Variants in ADK observed in about 807,000 individuals in gnomAD.
ADK encodes the protein N6,N6-dimethyladenosine kinase.
A neutral mutation model predicts 44.7 loss-of-function variants in ADK; 24 were observed. The ratio of observed to expected loss-of-function variants is 0.54; its 90% CI spans 0.39 to 0.76. The LOEUF (loss-of-function observed/expected upper bound fraction) is 0.76. ADK is among the 30% of genes least tolerant of loss of function. The probability of loss-of-function intolerance (pLI) is 0.00; values close to 1 mark genes in which losing one functional copy is unlikely to be tolerated. For missense variants in ADK, 321 were observed against 425.1 expected (o/e 0.76, Z 2.15); for synonymous variants, 128 against 142.6 (o/e 0.90, Z 0.73).
chr10:74,507,160 A>AT (rs1848111856), intron 6 of ADK, among the ~76,000 whole-genome samples: 1 of 152,228 alleles, frequency 6.6e-6, no homozygotes, highest in South Asian at 2.1e-4. Flanking sequence ...TTAGCATACC[A>AT]TGAAAAAATG....
chr10:74,257,065 T>C (rs1845851166), intron 3 of ADK, among the ~76,000 whole-genome samples: 1 of 152,174 alleles, frequency 6.6e-6, no homozygotes, highest in Non-Finnish European at 1.5e-5. Context: ...AAGTGTGATA[T>C]TAAATCCATT....
chr10:74,561,251 T>C lies in ADK; in HGVS notation c.727-28031T>C, dbSNP rs74394819. ...TTATTTTCTTGCTTATTCCACCAGTTACTCCTTCTTGTTAAAGCTTTCACC... is the reference window on the plus strand; with the variant it reads ...TTATTTTCTTGCTTATTCCACCAGTCACTCCTTCTTGTTAAAGCTTTCACC... On this transcript the variant is annotated intron_variant, in intron 7 of 10. Transcript: ENST00000539909. 2.6e-3 allele frequency among the ~76,000 whole-genome samples: 402 copies of C among 152,358 alleles called. 3 individuals carry two copies. The highest frequency in any genetic ancestry group is 9.2e-3 in the African/African-American group (383 of 41,592).
chr10:74,700,906 A>G (rs979876306), intron 10 of ADK, among the ~76,000 whole-genome samples: 3 of 152,224 alleles, frequency 2.0e-5, no homozygotes, highest in Admixed American at 6.5e-5. Context: ...ACTGAAAAAC[A>G]TGAACCCAAC....
In ADK at chr10:74,631,504, C is replaced by T. The variant is rs1329644405; in HGVS notation, c.877+31011C>T. Among the ~76,000 whole-genome samples, 6 of 151,674 alleles carry T rather than the reference C, an allele frequency of 4.0e-5. No homozygotes were observed. The East Asian group carries it at 5.8e-4, about 15-fold the overall frequency. ...AACTCCTGACCTCAGGTGATCCACC[C>T]GCCTCAGCCTCCTAAAGTGCTGGGA... On this transcript the variant is annotated intron_variant, in intron 9 of 10. Transcript: ENST00000539909.
At chr10:74,601,824 G>T (rs1852132335) in intron 9 of ADK, among the ~76,000 whole-genome samples, 1 of 151,438 alleles carries the variant, frequency 6.6e-6, no homozygotes, top group South Asian at 2.1e-4. Context: ...TGGGCACAGT[G>T]GCTCACACCT....
At chr10:74,240,372 T>TTGTGTGTGTG (rs142465407) in intron 3 of ADK, among the ~76,000 whole-genome samples, 15,103 of 147,072 alleles carry the variant, frequency 0.1, 900 homozygotes, top group African/African-American at 0.15. Flanking sequence ...TCCTTTTATT[T>TTGTGTGTGTG]TGTGTGTGTG....
chr10:74,598,557 C>A (rs900311081), intron 8 of ADK, among the ~76,000 whole-genome samples: 1 of 143,388 alleles, frequency 7.0e-6, no homozygotes, highest in Non-Finnish European at 1.5e-5. Context: ...TCAAGCGATT[C>A]TCCTGCCTCA....
At chr10:74,534,836 C>T (rs927046719) in intron 7 of ADK, among the ~76,000 whole-genome samples, 1 of 152,204 alleles carries the variant, frequency 6.6e-6, no homozygotes, top group African/African-American at 2.4e-5. Context: ...TATTGGGCTG[C>T]TCTCTGCTAT....
At chr10:74,514,124 A>G (rs547465284) in intron 6 of ADK, among the ~76,000 whole-genome samples, 14 of 152,296 alleles carry the variant, frequency 9.2e-5, no homozygotes, top group Non-Finnish European at 1.3e-4. Flanking sequence ...TACTTTGACT[A>G]TATTATCCTG....
chr10:74,559,628 A>G (rs999410597), intron 7 of ADK, among the ~76,000 whole-genome samples: 3 of 152,212 alleles, frequency 2.0e-5, no homozygotes, highest in Non-Finnish European at 2.9e-5. Context: ...CCTTCAGGGG[A>G]TTCTACCAAA....
chr10:74,491,702 G>C (rs1034151381), intron 6 of ADK, among the ~76,000 whole-genome samples: 1 of 152,106 alleles, frequency 6.6e-6, no homozygotes, highest in Non-Finnish European at 1.5e-5. Context: ...CCAATAATTT[G>C]ATGAATGACC....
intron 7 of ADK, among the ~76,000 whole-genome samples, chr10:74,542,693 C>G (rs2133734808): frequency 6.6e-6 from 1 of 152,096 alleles, no homozygotes; most frequent in Non-Finnish European, 1.5e-5. Context: ...TAGTTTCTGG[C>G]TCACATTTCT....
rs570858610 is a variant in ADK, at chr10:74,372,073, G to A, written c.274-22068G>A. On this transcript the variant is annotated intron_variant, in intron 4 of 10. Coordinates refer to ENST00000539909, the MANE Select transcript of ADK (RefSeq NM_006721.4). ...GGTTTGATGTGGTGGATGCCAGCCC[G>A]GGAAGGTTTGCGCGCGTGTGGCACC... The A allele has an allele frequency of 7.1e-5, 54 of 756,772 alleles. No homozygotes were observed. In the East Asian group the frequency reaches 1.2e-3, roughly 16 times the overall value. 46.9% of individuals were successfully genotyped at this position (756,772 alleles called of 1,614,324 possible). A position where few individuals can be genotyped will look rare whatever the true frequency, so the allele number is the denominator to read the frequency against.
At chr10:74,207,521 C>T (rs1413070159) in intron 2 of ADK, among the ~76,000 whole-genome samples, 1 of 152,176 alleles carries the variant, frequency 6.6e-6, no homozygotes, top group Non-Finnish European at 1.5e-5. Flanking sequence ...TCAGGAGACC[C>T]GAAGTGGGTA....
Position 74,303,333 on chromosome 10 carries a change from T to TTATA in ADK, c.195-11333_195-11330dup, listed in dbSNP as rs1446534522. 2.0e-5 allele frequency among the ~76,000 whole-genome samples: 3 copies of TTATA among 152,272 alleles called. No homozygotes were observed. The East Asian group carries it at 5.8e-4, about 29-fold the overall frequency. On this transcript the variant is annotated intron_variant, in intron 3 of 10. Transcript: ENST00000539909. The stretch of plus-strand genomic sequence containing the variant: ...TGTCTTTTGGCACTTTGCATCTGGA[T>TTATA]TATAGTTCCCCCATTTAAGAAAGAA...
intron 9 of ADK, among the ~76,000 whole-genome samples, chr10:74,630,443 T>G (rs892822526): frequency 1.4e-4 from 14 of 101,014 alleles, no homozygotes; most frequent in African/African-American, 6.4e-4. Flanking sequence ...TTTCTCCTCC[T>G]TAACATTAAC....
intron 3 of ADK, among the ~76,000 whole-genome samples, chr10:74,285,937 C>T (rs1458735571): frequency 6.6e-6 from 1 of 152,054 alleles, no homozygotes; most frequent in Non-Finnish European, 1.5e-5. Context: ...TCCTTTATTT[C>T]AGATTGACAT....
At chr10:74,191,414 TAAAGACAGGGTCTCACTATGTCAATTAA>T (rs1323318142) in intron 1 of ADK, among the ~76,000 whole-genome samples, 1 of 151,974 alleles carries the variant, frequency 6.6e-6, no homozygotes, top group African/African-American at 2.4e-5. Context: ...TTTTAAAATA[TAAAGACAGGGTCTCACTATGTCAATTAA>T]AAAGACAGGG....
intron 7 of ADK, among the ~76,000 whole-genome samples, chr10:74,580,217 G>A (rs1026071821): frequency 2.0e-5 from 3 of 152,290 alleles, no homozygotes; most frequent in East Asian, 3.9e-4. Flanking sequence ...AATCATGGGA[G>A]CAAGTCTTTC....
Sources: allele counts gnomAD v4.1 joint callset (sites outside exome capture counted in the v4.1 genomes callset), GRCh38; gene constraint gnomAD v4.1.1; transcripts MANE v1.5; gene names NCBI Gene and HGNC (gene_info 2026-07-23, HGNC 2026-07-21).